ABTB2: variants seen among roughly 807,000 people sequenced by gnomAD.
ABTB2 encodes the protein ankyrin repeat and BTB domain containing 2.
Under a neutral mutation model 104.1 loss-of-function variants are expected in ABTB2, and 56 were observed. The observed-to-expected ratio is 0.54, with a 90% confidence interval of 0.43 to 0.67. The LOEUF (loss-of-function observed/expected upper bound fraction) is 0.67, where lower values mean the gene tolerates loss of function less well. Ranked by LOEUF, ABTB2 falls within the 30% of genes least tolerant of loss-of-function variation. The pLI, the probability that ABTB2 is intolerant of heterozygous loss-of-function variation, is 0.00. For missense variants in ABTB2, 1,279 were observed against 1,407.7 expected (o/e 0.91, Z 1.46); for synonymous variants, 606 against 608.2 (o/e 1.00, Z 0.05).
intron 1 of ABTB2, among the ~76,000 whole-genome samples, chr11:34,248,651 C>T (rs1250486671): frequency 6.6e-6 from 1 of 152,224 alleles, no homozygotes; most frequent in Non-Finnish European, 1.5e-5. Context: ...ACACCCTCCC[C>T]TCAGCTTCCT....
chr11:34,304,579 G>A (rs1854748477), intron 1 of ABTB2, among the ~76,000 whole-genome samples: 1 of 152,168 alleles, frequency 6.6e-6, no homozygotes, highest in Non-Finnish European at 1.5e-5. Context: ...CAACACTTCA[G>A]GAAGCCAAGA....
chr11:34,317,552 C>T lies in ABTB2; in HGVS notation c.883+39149G>A, dbSNP rs775663930. ...GTCTGGGAGGCTGAAGCAGGAGGAT[C>T]GCTTCAGTATAGGAGTTCAAGACCA... On this transcript the variant is annotated intron_variant, in intron 1 of 16. Coordinates refer to ENST00000435224, the MANE Select transcript of ABTB2 (RefSeq NM_145804.3). Among the ~76,000 whole-genome samples the T allele has an allele frequency of 7.9e-5, 12 of 152,098 alleles. No individual in the cohort carries two copies. The East Asian group carries it at 2.1e-3, about 27-fold the overall frequency.
chr11:34,152,801 C>T (rs980517771), intron 16 of ABTB2, among the ~76,000 whole-genome samples: 10 of 152,162 alleles, frequency 6.6e-5, no homozygotes, highest in African/African-American at 2.4e-4. Flanking sequence ...GTCATGCTGC[C>T]CTGTTAAGTG....
intron 1 of ABTB2, among the ~76,000 whole-genome samples, chr11:34,344,166 C>G (rs1025576872): frequency 6.6e-6 from 1 of 152,140 alleles, no homozygotes. Context: ...TCTTGCTTTC[C>G]CAGAATTGAA....
chr11:34,310,859 C>T (rs570925425), intron 1 of ABTB2, among the ~76,000 whole-genome samples: 1 of 152,322 alleles, frequency 6.6e-6, no homozygotes, highest in Admixed American at 6.5e-5. Context: ...CAGCTCCCCA[C>T]ACGACACACT....
intron 3 of ABTB2, among the ~76,000 whole-genome samples, chr11:34,193,165 C>A (rs751827995): frequency 6.6e-6 from 1 of 152,246 alleles, no homozygotes; most frequent in Non-Finnish European, 1.5e-5. Context: ...CCCTGGGCAA[C>A]CTGGATCCCT....
At chr11:34,198,239 A>T (rs140047117) in intron 2 of ABTB2, among the ~76,000 whole-genome samples, 198 of 152,300 alleles carry the variant, frequency 1.3e-3, no homozygotes, top group Admixed American at 2.1e-3. Flanking sequence ...AGCCTGGCCA[A>T]CATGGTGAAA....
chr11:34,303,863 G>A (rs1739439829), intron 1 of ABTB2, among the ~76,000 whole-genome samples: 1 of 151,900 alleles, frequency 6.6e-6, no homozygotes. Context: ...GGCTGGTCTC[G>A]AACTTCTGAC....
At chr11:34,354,711 C>T (rs936326626) in intron 1 of ABTB2, among the ~76,000 whole-genome samples, 1 of 152,182 alleles carries the variant, frequency 6.6e-6, no homozygotes, top group African/African-American at 2.4e-5. Flanking sequence ...CTGGGAGAAG[C>T]TTCTCAATGT....
At position 34,154,417 on chromosome 11, in the gene ABTB2, C is replaced by T. The variant is rs1368646258; in HGVS notation, c.2767-39G>A. The T allele has an allele frequency of 6.8e-7, 1 of 1,465,280 alleles. No homozygotes were observed. Among genetic ancestry groups the T allele is most frequent in the South Asian group, 1.2e-5 (1 of 86,116 alleles). The allele number at this position is 1,465,280 out of a possible 1,614,324, so 90.8% of individuals were successfully genotyped here. On this transcript the variant is annotated intron_variant, in intron 15 of 16. Transcript: ENST00000435224. The surrounding 1 kb of genome is among the most constrained non-coding windows in gnomAD (Gnocchi z 4.9). ...AGAGCAGGTCTTGGGGACCCATGGC[C>T]AGACCAGTGGCCCAGACAGCACCGA...
intron 1 of ABTB2, among the ~76,000 whole-genome samples, chr11:34,246,099 A>G (rs1027341285): frequency 1.3e-5 from 2 of 152,230 alleles, no homozygotes; most frequent in Non-Finnish European, 2.9e-5. Context: ...TGGATCAGCC[A>G]GGAGACACAC....
rs554629080 is a variant in ABTB2, at chr11:34,320,561, C to T, written c.883+36140G>A. Among the ~76,000 whole-genome samples the T allele has an allele frequency of 2.0e-4, 31 of 152,254 alleles. 1 individual carries two copies. The South Asian group carries it at 5.0e-3, about 24-fold the overall frequency. On this transcript the variant is annotated intron_variant, in intron 1 of 16. Coordinates refer to ENST00000435224, the MANE Select transcript of ABTB2 (RefSeq NM_145804.3). ...CCTCACCACAGTAGAATTTCTTCTCCAAAGCAAAGTAGAACTTGAAAGCTC... is the reference window on the plus strand; with the variant it reads ...CCTCACCACAGTAGAATTTCTTCTCTAAAGCAAAGTAGAACTTGAAAGCTC...
chr11:34,347,559 A>G (rs931427495), intron 1 of ABTB2, among the ~76,000 whole-genome samples: 2 of 152,230 alleles, frequency 1.3e-5, no homozygotes, highest in Middle Eastern at 3.2e-3. Context: ...AGTGACAAGA[A>G]AATTCCTTCC....
intron 1 of ABTB2, among the ~76,000 whole-genome samples, chr11:34,317,705 T>C (rs1854954001): frequency 1.4e-5 from 2 of 142,986 alleles, no homozygotes; most frequent in Non-Finnish European, 3.0e-5. Flanking sequence ...GAGGTTGCAG[T>C]GCACCAAGAT....
intron 13 of ABTB2, among the ~76,000 whole-genome samples, 193 bp downstream of exon 13, chr11:34,159,713 C>T (rs1206141699): frequency 1.3e-5 from 2 of 152,240 alleles, no homozygotes; most frequent in South Asian, 4.1e-4. Flanking sequence ...CAGAGCCCCC[C>T]TTTCCTGCTG....
At chr11:34,174,860 T>C (rs1373714466) in intron 3 of ABTB2, among the ~76,000 whole-genome samples, 4 of 152,250 alleles carry the variant, frequency 2.6e-5, no homozygotes, top group Admixed American at 6.5e-5. Flanking sequence ...AGCCCAAAAG[T>C]CAGCCTCCCG....
In ABTB2 at chr11:34,154,160, G is replaced by T. The variant is rs1362607178; in HGVS notation, c.2880+105C>A. The T allele has an allele frequency of 2.0e-5, 17 of 857,450 alleles. No individual in the cohort carries two copies. Among genetic ancestry groups the T allele is most frequent in the Non-Finnish European group, 2.8e-5 (15 of 526,508 alleles). 53.1% of individuals were successfully genotyped at this position (857,450 alleles called of 1,614,324 possible). ...CTACACTGCCCTCAGAAGCAGCCTG[G>T]TCACCTGCATCTCCTAGCTCATCCC... is the stretch of plus-strand genomic sequence containing the variant. On this transcript the variant is annotated intron_variant, in intron 16 of 16. Transcript: ENST00000435224. This position sits in a 1 kb window ranked among gnomAD's most constrained non-coding sequence, Gnocchi z 4.9.
At chr11:34,279,095 C>T (rs1854419708) in intron 1 of ABTB2, among the ~76,000 whole-genome samples, 1 of 152,148 alleles carries the variant, frequency 6.6e-6, no homozygotes, top group African/African-American at 2.4e-5. Flanking sequence ...GAAAACTAAG[C>T]AGAAACAAAC....
At chr11:34,281,008 G>A (rs1031674193) in intron 1 of ABTB2, among the ~76,000 whole-genome samples, 1 of 152,210 alleles carries the variant, frequency 6.6e-6, no homozygotes, top group East Asian at 1.9e-4. Context: ...CTAGGAGGAG[G>A]TGGTGGCAAT....
Sources: allele counts gnomAD v4.1 joint callset (sites outside exome capture counted in the v4.1 genomes callset), GRCh38; gene constraint gnomAD v4.1.1; non-coding constraint Gnocchi (gnomAD v3.1); transcripts MANE v1.5; gene names NCBI Gene and HGNC (gene_info 2026-07-23, HGNC 2026-07-21).